RAB33B: variants seen among roughly 807,000 people sequenced by gnomAD.
RAB33B encodes RAB33B, member RAS oncogene family.
Under a neutral mutation model 15.0 loss-of-function variants are expected in RAB33B, and 6 were observed. The observed-to-expected ratio is 0.40, with a 90% CI of 0.22 to 0.79. The LOEUF (loss-of-function observed/expected upper bound fraction) is 0.79, where lower values mean the gene tolerates loss of function less well. Among genes scored for constraint, RAB33B ranks in the 30% least tolerant of loss-of-function variants. RAB33B has a pLI of 0.37. For synonymous variants in RAB33B, 117 were observed against 108.3 expected, an observed-to-expected ratio of 1.08 and a Z score of -0.50; for missense variants, 257 against 296.4, an observed-to-expected ratio of 0.87 and a Z score of 0.98.
chr4:139,453,651 G>A (rs1181178379), upstream of RAB33B: 1 of 152,202 alleles, frequency 6.6e-6, no homozygotes, highest in Non-Finnish European at 1.5e-5. Flanking sequence ...TGCCGGAACC[G>A]ACCCGACGCC....
At chr4:139,442,268 A>G in the RAB33B span, among the ~76,000 whole-genome samples, 4 of 152,216 alleles carry the variant, frequency 2.6e-5, no homozygotes, top group Non-Finnish European at 4.4e-5. Flanking sequence ...AAAGTTTAAT[A>G]TAGCTGTTAA....
the RAB33B span, among the ~76,000 whole-genome samples, chr4:139,440,101 G>C: frequency 6.6e-6 from 1 of 152,118 alleles, no homozygotes; most frequent in Non-Finnish European, 1.5e-5. Flanking sequence ...AGGGTTTGCT[G>C]TTTTTGTTAC....
chr4:139,463,042 T>A (rs1435370456), intron 1 of RAB33B, among the ~76,000 whole-genome samples: 1 of 152,212 alleles, frequency 6.6e-6, no homozygotes, highest in African/African-American at 2.4e-5. Flanking sequence ...GACACACTCC[T>A]GTAGTCGCAG....
At chr4:139,462,236 G>C (rs1750187720) in intron 1 of RAB33B, among the ~76,000 whole-genome samples, 1 of 151,858 alleles carries the variant, frequency 6.6e-6, no homozygotes, top group East Asian at 2.0e-4. Context: ...TGTATTTTTA[G>C]TAGAGATGGG....
At chr4:139,449,775 A>ATATC (rs1399340404), upstream of RAB33B, 8 of 150,646 alleles carry the variant, frequency 5.3e-5, no homozygotes, top group East Asian at 1.5e-3. Flanking sequence ...ATATATATAT[A>ATATC]TCTCCTATTA....
intron 1 of RAB33B, among the ~76,000 whole-genome samples, chr4:139,456,921 A>G (rs550106697): frequency 9.2e-5 from 14 of 152,288 alleles, no homozygotes; most frequent in African/African-American, 3.4e-4. Flanking sequence ...CCTGTAATAC[A>G]TCTTGAGTGC....
At chr4:139,458,440 G>T (rs998705542) in intron 1 of RAB33B, among the ~76,000 whole-genome samples, 1 of 152,114 alleles carries the variant, frequency 6.6e-6, no homozygotes, top group Non-Finnish European at 1.5e-5. Flanking sequence ...TATTTTTTCT[G>T]ATCTTCCACC....
upstream of RAB33B, chr4:139,453,404 T>C (rs1232154114): frequency 3.3e-5 from 5 of 152,264 alleles, no homozygotes; most frequent in African/African-American, 4.8e-5. Flanking sequence ...CCCACAGCAA[T>C]GCGCCTGCCA....
intron 1 of RAB33B, among the ~76,000 whole-genome samples, chr4:139,468,136 G>T (rs1750326362): frequency 6.6e-6 from 1 of 152,062 alleles, no homozygotes; most frequent in Admixed American, 6.5e-5. Flanking sequence ...CTCTGTGGCT[G>T]GGGAGGCCTT....
chr4:139,470,530 C>A (rs755801855), intron 1 of RAB33B, among the ~76,000 whole-genome samples: 1 of 152,230 alleles, frequency 6.6e-6, no homozygotes, highest in African/African-American at 2.4e-5. Context: ...CAAAGGCCCC[C>A]CTGTGGCCAT....
chr4:139,452,761 A>G (rs1299983172), upstream of RAB33B: 1 of 152,180 alleles, frequency 6.6e-6, no homozygotes. Flanking sequence ...AAGTTCTACT[A>G]CTCATCTGTT....
intron 1 of RAB33B, among the ~76,000 whole-genome samples, chr4:139,455,391 T>C (rs1750050236): frequency 6.6e-6 from 1 of 152,168 alleles, no homozygotes; most frequent in Non-Finnish European, 1.5e-5. Context: ...TATCTCAGTC[T>C]CTTGGTGGGG....
chr4:139,443,223 A>C, the RAB33B span, among the ~76,000 whole-genome samples: 23 of 152,160 alleles, frequency 1.5e-4, no homozygotes, highest in South Asian at 4.6e-3. Flanking sequence ...CGATCTCCTG[A>C]CCTTGTGATC....
the RAB33B span, among the ~76,000 whole-genome samples, chr4:139,441,697 C>A: frequency 0.017 from 2,624 of 152,272 alleles, 87 homozygotes; most frequent in African/African-American, 0.06. Flanking sequence ...TGGGACATAA[C>A]CTCACTGTAA....
intron 1 of RAB33B, among the ~76,000 whole-genome samples, chr4:139,469,314 C>T (rs1419921775): frequency 6.6e-6 from 1 of 152,082 alleles, no homozygotes; most frequent in Non-Finnish European, 1.5e-5. Context: ...CTTGCTTATT[C>T]TTTCTTCTGC....
At chr4:139,469,742 A>C (rs562594775) in intron 1 of RAB33B, among the ~76,000 whole-genome samples, 1 of 152,136 alleles carries the variant, frequency 6.6e-6, no homozygotes, top group South Asian at 2.1e-4. Flanking sequence ...GTTCTTGCAG[A>C]CTCGTAGAGT....
upstream of RAB33B, chr4:139,452,276 A>G (rs1453134228): frequency 6.6e-6 from 1 of 152,256 alleles, no homozygotes; most frequent in Non-Finnish European, 1.5e-5. Context: ...TGAAACAGCA[A>G]AAACAGTATT....
upstream of RAB33B, chr4:139,450,637 CACA>C (rs1470186915): frequency 6.6e-6 from 1 of 152,182 alleles, no homozygotes; most frequent in East Asian, 1.9e-4. Flanking sequence ...GATAACCTTC[CACA>C]ACAAAGAATT....
the RAB33B span, among the ~76,000 whole-genome samples, chr4:139,448,074 G>A: frequency 1.3e-5 from 2 of 152,154 alleles, no homozygotes; most frequent in South Asian, 4.1e-4. Context: ...CACAACTGAG[G>A]TAAGGAAGAG....
Sources: gnomAD v4.1 joint callset for allele counts (sites outside exome capture counted in the v4.1 genomes callset) on GRCh38, gnomAD v4.1.1 for gene constraint, MANE v1.5 for transcripts, NCBI Gene and HGNC (gene_info 2026-07-23, HGNC 2026-07-21) for gene names.